The following PTPRA variants were observed in gnomAD, a reference collection of about 807,000 sequenced individuals.
The protein encoded by PTPRA is receptor-type tyrosine-protein phosphatase alpha.
Under a neutral mutation model 104.8 loss-of-function variants are expected in PTPRA, and 25 were observed. The observed-to-expected ratio is 0.24, with a 90% confidence interval of 0.17 to 0.33. The LOEUF (loss-of-function observed/expected upper bound fraction) is 0.33. PTPRA is among the 10% of genes least tolerant of loss of function. PTPRA has a pLI of 1.00. For missense variants in PTPRA, 765 were observed against 1,015.3 expected, an observed-to-expected ratio of 0.75 and a Z score of 3.35; for synonymous variants, 323 against 368.9, an observed-to-expected ratio of 0.88 and a Z score of 1.43.
At chr20:2,875,166 CG>C (rs1161125743) in intron 1 of PTPRA, among the ~76,000 whole-genome samples, 2 of 151,962 alleles carry the variant, frequency 1.3e-5, no homozygotes, top group African/African-American at 4.8e-5. Context: ...GAGATTTTTT[CG>C]TGTTTTGAAG....
chr20:2,873,357 G>T (rs545904094), upstream of PTPRA: 2 of 152,332 alleles, frequency 1.3e-5, no homozygotes, highest in East Asian at 3.9e-4. The surrounding 1 kb of genome is among the most constrained non-coding windows in gnomAD (Gnocchi z 4.4). Flanking sequence ...CGCCCCAGCC[G>T]GCAAGTGAGC....
intron 3 of PTPRA, chr20:2,955,686 C>G (rs2061511850): frequency 1.0e-6 from 1 of 984,740 alleles, no homozygotes; most frequent in Non-Finnish European, 1.2e-6. Flanking sequence ...TCCTACTCCA[C>G]CCTCCCCTGG....
chr20:2,923,150 G>T, intron 1 of PTPRA, 57 bp from the exon 2 acceptor site: 2 of 762,340 alleles, frequency 2.6e-6, no homozygotes, highest in Non-Finnish European at 3.6e-6. Context: ...TCCTAAGCTA[G>T]AACAATCTGC....
chr20:2,947,695 TCTTTGC>T (rs2061188141), intron 2 of PTPRA, among the ~76,000 whole-genome samples: 1 of 152,180 alleles, frequency 6.6e-6, no homozygotes, highest in South Asian at 2.1e-4. Flanking sequence ...CAGCAGGAAC[TCTTTGC>T]AAACACTGAA....
chr20:2,872,406 G>C (rs1348990440), upstream of PTPRA, among the ~76,000 whole-genome samples: 1 of 152,240 alleles, frequency 6.6e-6, no homozygotes, highest in Non-Finnish European at 1.5e-5. The surrounding 1 kb of genome is among the most constrained non-coding windows in gnomAD (Gnocchi z 7.9). Flanking sequence ...CCTACCCCGG[G>C]AACCGCAGAC....
chr20:2,965,808 C>G (rs947032949), intron 5 of PTPRA, among the ~76,000 whole-genome samples: 1 of 152,122 alleles, frequency 6.6e-6, no homozygotes, highest in African/African-American at 2.4e-5. Context: ...CAGGTTGAAG[C>G]AGTAGTCCCA....
At position 2,948,679 on chromosome 20, in the gene PTPRA, C is replaced by T. The variant is rs190261975; in HGVS notation, c.-7+655C>T. Among the ~76,000 whole-genome samples the T allele has an allele frequency of 1.2e-3, 188 of 152,254 alleles. 1 individual carries two copies. Among genetic ancestry groups the T allele is most frequent in the Middle Eastern group, 6.8e-3 (2 of 294 alleles). On this transcript the variant is annotated intron_variant, in intron 3 of 23. Transcript: ENST00000399903. Reference sequence around the variant, plus strand: ...TAATACTTTAAAAAACCACCAGGCACGGTGGCTCACGCCTGGAATCCCAGC... The same window carrying T: ...TAATACTTTAAAAAACCACCAGGCATGGTGGCTCACGCCTGGAATCCCAGC...
intron 13 of PTPRA, among the ~76,000 whole-genome samples, chr20:3,020,869 G>A (rs920896983): frequency 6.6e-6 from 1 of 152,210 alleles, no homozygotes; most frequent in East Asian, 1.9e-4. Flanking sequence ...AACAGAAAAA[G>A]CTCTAGGCCT....
chr20:2,949,512 T>G (rs2061280753), intron 3 of PTPRA, among the ~76,000 whole-genome samples: 2 of 152,020 alleles, frequency 1.3e-5, no homozygotes, highest in Admixed American at 6.5e-5. Flanking sequence ...AGCCTGGTCT[T>G]GAACTCCTGG....
intron 2 of PTPRA, among the ~76,000 whole-genome samples, chr20:2,926,801 A>AT (rs1224183818): frequency 3.2e-5 from 2 of 63,432 alleles, no homozygotes; most frequent in Non-Finnish European, 6.3e-5. Context: ...TTTACTTTTT[A>AT]TTTTTTTGAG....
At chr20:3,018,241 T>G (rs1020874567) in intron 13 of PTPRA, among the ~76,000 whole-genome samples, 6 of 151,252 alleles carry the variant, frequency 4.0e-5, no homozygotes, top group Non-Finnish European at 5.9e-5. Context: ...GTTTTGTTTT[T>G]TTATTGATCA....
At chr20:2,962,357 T>G (rs2061785311) in intron 3 of PTPRA, among the ~76,000 whole-genome samples, 1 of 152,218 alleles carries the variant, frequency 6.6e-6, no homozygotes, top group South Asian at 2.1e-4. Context: ...GCTCACATAT[T>G]CATTTATTTT....
intron 1 of PTPRA, among the ~76,000 whole-genome samples, chr20:2,904,071 C>T (rs2059328727): frequency 6.6e-6 from 1 of 151,888 alleles, no homozygotes; most frequent in Non-Finnish European, 1.5e-5. Flanking sequence ...CATGCCCAGC[C>T]AATTTTTATT....
rs2060378434 is a variant in PTPRA, at chr20:2,928,220, T to C, written c.-50+4935T>C. Among the ~76,000 whole-genome samples, 3 of 151,964 alleles carry C rather than the reference T, an allele frequency of 2.0e-5. 1 individual carries two copies. The highest frequency in any genetic ancestry group is 7.2e-5 in the African/African-American group (3 of 41,498). On this transcript the variant is annotated intron_variant, in intron 2 of 23. Coordinates refer to ENST00000399903, the MANE Select transcript of PTPRA (RefSeq NM_001385305.1). The stretch of plus-strand genomic sequence containing the variant: ...GCGCGATCTTGGCTCACTGCAAGCT[T>C]CGCCTCCCAGGTTCATGCCATTCTC...
chr20:2,936,697 T>C (rs2060715588), intron 2 of PTPRA, among the ~76,000 whole-genome samples: 1 of 152,180 alleles, frequency 6.6e-6, no homozygotes, highest in African/African-American at 2.4e-5. Context: ...GGTCTCGAAG[T>C]CTTGGGCTGA....
intron 5 of PTPRA, 75 bp downstream of exon 5, chr20:2,965,277 T>A: frequency 7.2e-7 from 1 of 1,393,244 alleles, no homozygotes; most frequent in Non-Finnish European, 9.7e-7. Context: ...TTGTGTTTTC[T>A]AGCCTTAAAA....
Position 3,022,313 on chromosome 20 carries a change from T to G in PTPRA, c.1328+93T>G, listed in dbSNP as rs991049696. 6.8e-7 allele frequency: 1 copy of G among 1,470,750 alleles called. No individual in the cohort carries two copies. Among genetic ancestry groups the G allele is most frequent in the African/African-American group, 1.4e-5 (1 of 71,052 alleles). The allele number at this position is 1,470,750 out of a possible 1,614,324, so 91.1% of individuals were successfully genotyped here. A position where few individuals can be genotyped will look rare whatever the true frequency, so the allele number is the denominator to read the frequency against. On this transcript the variant is annotated intron_variant, in intron 15 of 23. Transcript: ENST00000399903. The surrounding 1 kb of genome is among the most constrained non-coding windows in gnomAD (Gnocchi z 4.6). ...GCACAAGGGCCCTGGCTGAGGAGGC[T>G]GGCACAGAGTAGATGACCTACTGGG... is the stretch of plus-strand genomic sequence containing the variant.
chr20:3,001,201 A>G (rs2063609399), intron 9 of PTPRA, among the ~76,000 whole-genome samples: 1 of 152,226 alleles, frequency 6.6e-6, no homozygotes, highest in Non-Finnish European at 1.5e-5. Context: ...CAAAAGGAGT[A>G]GGATTCACCT....
chr20:2,900,500 A>C (rs76396164), intron 1 of PTPRA, among the ~76,000 whole-genome samples: 6,462 of 152,194 alleles, frequency 0.042, 316 homozygotes, highest in Admixed American at 0.11. Context: ...GCTGTGGTTT[A>C]ATTAAATAAT....
Sources: gnomAD v4.1 joint callset for allele counts (sites outside exome capture counted in the v4.1 genomes callset) on GRCh38, gnomAD v4.1.1 for gene constraint, Gnocchi (gnomAD v3.1) non-coding constraint, MANE v1.5 for transcripts, NCBI Gene and HGNC (gene_info 2026-07-23, HGNC 2026-07-21) for gene names.